The following MATR3 variants were observed in gnomAD, a reference collection of about 807,000 sequenced individuals.
MATR3 encodes matrin 3.
Under a neutral mutation model 85.5 loss-of-function variants are expected in MATR3, and 4 were observed. The observed-to-expected ratio is 0.05, with a 90% CI of 0.02 to 0.11. MATR3 has a LOEUF of 0.11. Ranked by LOEUF, MATR3 falls within the 10% of genes least tolerant of loss-of-function variation. The pLI is 1.00. For missense variants in MATR3, 685 were observed against 1,016.1 expected (o/e 0.67, Z 4.43); for synonymous variants, 336 against 343.1 (o/e 0.98, Z 0.23).
intron 2 of MATR3, among the ~76,000 whole-genome samples, chr5:139,309,263 T>A (rs887374009): frequency 1.3e-5 from 2 of 152,200 alleles, no homozygotes; most frequent in Non-Finnish European, 2.9e-5. Flanking sequence ...GTCATTGTTA[T>A]AGCACCCCAC....
chr5:139,321,751 C>G, intron 9 of MATR3, 147 bp from the exon 10 acceptor site: 1 of 818,408 alleles, frequency 1.2e-6, no homozygotes, highest in Non-Finnish European at 1.9e-6. Context: ...CCACTGCATT[C>G]CAGCCTGGGT....
chr5:139,322,740 G>C lies in MATR3; in HGVS notation c.1921G>C (p.Asp641His). The C allele has an allele frequency of 6.2e-7, 1 of 1,614,134 alleles. No homozygotes were observed. Among genetic ancestry groups the C allele is most frequent in the Non-Finnish European group, 8.5e-7 (1 of 1,180,038 alleles). The change falls in exon 12 of 15, where the codon GAT (aspartate) becomes CAT (histidine). Residue 641 changes from aspartate (D) to histidine (H), a missense_variant. Around this residue, in one of 9 missense-constraint regions of MATR3, gnomAD observed 215 missense variants for 194.7 expected, o/e 1.10. Coordinates refer to ENST00000394805, the MANE Select transcript of MATR3 (RefSeq NM_018834.6). ...TGAAGATGGTGAGAAAGACACAAAGGATGACCAGACAGAGCAGGAACCTAA... is the reference window on the plus strand; with the variant it reads ...TGAAGATGGTGAGAAAGACACAAAGCATGACCAGACAGAGCAGGAACCTAA... ...SGEDGEKDTK[D>H]DQTEQEPNML... is the part of the protein sequence containing the mutation.
intron 12 of MATR3, 56 bp from the exon 13 acceptor site, chr5:139,325,384 C>T (rs761253828): frequency 3.8e-5 from 60 of 1,587,910 alleles, no homozygotes; most frequent in South Asian, 1.1e-5. Context: ...CTTCGTAAAT[C>T]GGGCATGGCA....
intron 1 of MATR3, chr5:139,274,313 C>G: frequency 2.9e-6 from 1 of 349,472 alleles, no homozygotes. Flanking sequence ...AGACTTGGGC[C>G]TCGGAGTCGT....
intron 8 of MATR3, 150 bp from the exon 9 acceptor site, chr5:139,319,184 T>G (rs1382438966): frequency 1.6e-6 from 2 of 1,240,876 alleles, no homozygotes; most frequent in Non-Finnish European, 2.3e-6. Context: ...AGAAGGATTA[T>G]GTGAGGCCCA....
chr5:139,278,286 C>T (rs1753374452), intron 2 of MATR3: 2 of 453,636 alleles, frequency 4.4e-6, no homozygotes, highest in African/African-American at 2.0e-5. Flanking sequence ...TTATTATATT[C>T]TGTGTACTAG....
At chr5:139,317,767 TA>T in intron 7 of MATR3, 46 bp downstream of exon 7, 2 of 1,468,412 alleles carry the variant, frequency 1.4e-6, no homozygotes, top group Non-Finnish European at 1.9e-6. Context: ...ATGCCACTAA[TA>T]TATGTTCTGC....
At chr5:139,306,176 G>A (rs372044933) in intron 1 of MATR3, among the ~76,000 whole-genome samples, 32 of 152,196 alleles carry the variant, frequency 2.1e-4, no homozygotes, top group African/African-American at 6.5e-4. Flanking sequence ...TATGACAATC[G>A]TGATATAAAA....
In MATR3 at chr5:139,321,945, C is replaced by T; in HGVS notation, c.1650C>T (p.Asp550=). The change falls in exon 10 of 15, where the codon GAC becomes GAT. Residue 550 remains aspartate, a synonymous_variant. Transcript: ENST00000394805. Reference sequence around the variant, plus strand: ...GAGAAGATGCAATGGCAATGGTTGACCATTGTTTGAAAAAAGCCCTTTGGT... The same window carrying T: ...GAGAAGATGCAATGGCAATGGTTGATCATTGTTTGAAAAAAGCCCTTTGGT... ...ETREDAMAMV[D]HCLKKALWFQ... 6.2e-7 allele frequency: 1 copy of T among 1,613,904 alleles called. No homozygotes were observed. The highest frequency in any genetic ancestry group is 8.5e-7 in the Non-Finnish European group (1 of 1,179,954).
At position 139,307,652 on chromosome 5, in the gene MATR3, T is replaced by C; in HGVS notation, c.237T>C (p.Ser79=). The change falls in exon 2 of 15, where the codon TCT becomes TCC. Residue 79 remains serine, a synonymous_variant. Coordinates refer to ENST00000394805, the MANE Select transcript of MATR3 (RefSeq NM_018834.6). The surrounding 1 kb of genome is among the most constrained non-coding windows in gnomAD (Gnocchi z 4.4). ...AHSALSSAST[S]SHNLQSIFNI... Reference sequence around the variant, plus strand: ...GTGCACTGTCTTCTGCTAGTACTTCTTCCCATAATTTGCAGTCTATATTTA... The same window carrying C: ...GTGCACTGTCTTCTGCTAGTACTTCCTCCCATAATTTGCAGTCTATATTTA... The C allele has an allele frequency of 6.2e-7, 1 of 1,614,200 alleles. No homozygotes were observed. The highest frequency in any genetic ancestry group is 1.3e-5 in the African/African-American group (1 of 75,048).
At chr5:139,300,297 G>A (rs952565627) in intron 1 of MATR3, among the ~76,000 whole-genome samples, 7 of 152,138 alleles carry the variant, frequency 4.6e-5, no homozygotes, top group Non-Finnish European at 7.4e-5. Context: ...CCCGAGAGGC[G>A]GAGGTTGCAG....
chr5:139,281,363 T>TG (rs1309896529), intron 3 of MATR3, among the ~76,000 whole-genome samples: 7 of 147,560 alleles, frequency 4.7e-5, no homozygotes, highest in East Asian at 2.0e-4. Context: ...TTTGTTTTTT[T>TG]TTTTTTTTTT....
rs60748447 is a variant in MATR3 at position 139,318,651 on chromosome 5, C to T, written c.1309-257C>T. Among the ~76,000 whole-genome samples, 2,845 of 152,258 alleles carry T rather than the reference C, an allele frequency of 0.019. 102 individuals are homozygous for T. The highest frequency in any genetic ancestry group is 0.065 in the African/African-American group (2,711 of 41,544). On this transcript the variant is annotated intron_variant, in intron 7 of 14. Transcript: ENST00000394805. The stretch of plus-strand genomic sequence containing the variant: ...AGAGACGGGGTTTCACCATGTTGGT[C>T]GGCCAGGATGGTCTTGATCTTTCAA...
At chr5:139,274,343 C>A (rs943986133) in intron 1 of MATR3, 1 of 345,368 alleles carries the variant, frequency 2.9e-6, no homozygotes, top group South Asian at 2.3e-5. Flanking sequence ...TTCTACCATC[C>A]CTCTTCCCTC....
In MATR3 at chr5:139,307,189, C is replaced by T. The variant is rs1026569950; in HGVS notation, c.-177-50C>T. The T allele has an allele frequency of 1.5e-5, 18 of 1,174,280 alleles. No homozygotes were observed. The Admixed American group carries it at 2.2e-4, about 14-fold the overall frequency. 72.7% of individuals were successfully genotyped at this position (1,174,280 alleles called of 1,614,324 possible). A position where few individuals can be genotyped will look rare whatever the true frequency, so the allele number is the denominator to read the frequency against. ...CATAAGTTTTTTTTTCTTAAAAAAA[C>T]GGCATCTGCTTAAAGGGATTTATGA... On this transcript the variant is annotated intron_variant, in intron 1 of 14. Transcript: ENST00000394805. This position sits in a 1 kb window ranked among gnomAD's most constrained non-coding sequence, Gnocchi z 4.4.
intron 13 of MATR3, 37 bp from the exon 14 acceptor site, chr5:139,326,126 C>T (rs761712715): frequency 1.3e-6 from 2 of 1,505,424 alleles, no homozygotes; most frequent in Non-Finnish European, 1.8e-6. Flanking sequence ...ATAAAATCTT[C>T]AGTTTAATTT....
chr5:139,294,654 A>G (rs1034339130), intron 1 of MATR3: 5 of 151,938 alleles, frequency 3.3e-5, no homozygotes, highest in African/African-American at 1.2e-4. Context: ...GTCACCTCAC[A>G]TCCTTTTTCT....
At chr5:139,315,181 G>A in intron 3 of MATR3, 1 of 205,258 alleles carries the variant, frequency 4.9e-6, no homozygotes, top group South Asian at 7.3e-5. Context: ...GAGATCTTTG[G>A]TTTTGAGTTC....
At chr5:139,278,184 G>A in intron 2 of MATR3, 1 of 256,702 alleles carries the variant, frequency 3.9e-6, no homozygotes, top group Non-Finnish European at 8.1e-6. Flanking sequence ...GTGAACCATG[G>A]TCATGCCACT....
Sources: allele counts gnomAD v4.1 joint callset (sites outside exome capture counted in the v4.1 genomes callset), GRCh38; gene constraint gnomAD v4.1.1; regional missense constraint gnomAD v4.1.1; non-coding constraint Gnocchi (gnomAD v3.1); transcripts MANE v1.5; gene names NCBI Gene and HGNC (gene_info 2026-07-23, HGNC 2026-07-21).